HRH1: variants seen among roughly 807,000 people sequenced by gnomAD.
HRH1 encodes histamine H1 receptor.
HRH1 carries 6 observed loss-of-function variants against 10.3 expected under a neutral mutation model. The observed-to-expected ratio is 0.58, with a 90% CI of 0.32 to 1.15. HRH1 has a LOEUF of 1.15. Among genes scored for constraint, HRH1 ranks in the 50% most tolerant of loss-of-function variants. The pLI is 0.05. For synonymous variants in HRH1, 242 were observed against 236.7 expected (o/e 1.02, Z -0.21); for missense variants, 514 against 615.3 (o/e 0.84, Z 1.74).
intron 1 of HRH1, among the ~76,000 whole-genome samples, chr3:11,219,200 A>G (rs759349795): frequency 6.6e-6 from 1 of 152,024 alleles, no homozygotes; most frequent in Non-Finnish European, 1.5e-5. Context: ...AAATTTTCTT[A>G]TAAATTCATA....
chr3:11,180,663 A>G (rs1937334533), intron 1 of HRH1, among the ~76,000 whole-genome samples: 1 of 151,958 alleles, frequency 6.6e-6, no homozygotes, highest in African/African-American at 2.4e-5. Flanking sequence ...GCCTCAATGG[A>G]TTTGCCTGTT....
chr3:11,179,772 T>C (rs1436627644), intron 1 of HRH1, among the ~76,000 whole-genome samples: 2 of 149,592 alleles, frequency 1.3e-5, no homozygotes, highest in Non-Finnish European at 3.0e-5. Context: ...TGTGTGGCTT[T>C]TTTTTTTTTT....
intron 1 of HRH1, among the ~76,000 whole-genome samples, chr3:11,216,355 G>T (rs765420768): frequency 6.6e-6 from 1 of 152,156 alleles, no homozygotes; most frequent in Non-Finnish European, 1.5e-5. Flanking sequence ...CACAGCAGCC[G>T]AAGAGTGGAA....
At chr3:11,213,167 C>T (rs949463286) in intron 1 of HRH1, among the ~76,000 whole-genome samples, 11 of 152,124 alleles carry the variant, frequency 7.2e-5, no homozygotes, top group African/African-American at 9.7e-5. Flanking sequence ...ATGTTTCTTC[C>T]GCTAGAATGG....
intron 1 of HRH1, among the ~76,000 whole-genome samples, chr3:11,138,180 A>ATTTTT (rs746775307): frequency 0.18 from 24,610 of 135,102 alleles, 2,470 homozygotes; most frequent in East Asian, 0.33. Context: ...ACGTTTGGCT[A>ATTTTT]TTTTTTTTTT....
intron 1 of HRH1, among the ~76,000 whole-genome samples, chr3:11,144,478 T>TAGACATACGTCTATAGGTATATATAA (rs1559249824): frequency 6.7e-6 from 1 of 148,220 alleles, no homozygotes; most frequent in Non-Finnish European, 1.5e-5. Context: ...TATAGACATA[T>TAGACATACGTCTATAGGTATATATAA]ATATACACAC....
intron 1 of HRH1, among the ~76,000 whole-genome samples, chr3:11,165,560 T>C (rs910375983): frequency 6.6e-6 from 1 of 152,074 alleles, no homozygotes; most frequent in African/African-American, 2.4e-5. Flanking sequence ...AAGCACAAAC[T>C]TTGAGGAAGT....
At chr3:11,187,193 A>G (rs1937463428) in intron 1 of HRH1, among the ~76,000 whole-genome samples, 1 of 152,078 alleles carries the variant, frequency 6.6e-6, no homozygotes, top group Non-Finnish European at 1.5e-5. Context: ...ACTACTGACA[A>G]AGATATCTTT....
intron 1 of HRH1, among the ~76,000 whole-genome samples, chr3:11,179,658 A>G (rs1937315942): frequency 6.6e-6 from 1 of 151,032 alleles, no homozygotes; most frequent in Non-Finnish European, 1.5e-5. Context: ...AGCCAGAAGG[A>G]TATCGCCCTG....
chr3:11,143,222 C>T lies in HRH1; in HGVS notation c.-36+5823C>T, dbSNP rs528459977. Reference sequence around the variant, plus strand: ...GTTGCTTCTAAGTGGGGTGAGAAGCCTCTGGAGGGTTTTTAGTAAGAGTGA... The same window carrying T: ...GTTGCTTCTAAGTGGGGTGAGAAGCTTCTGGAGGGTTTTTAGTAAGAGTGA... On this transcript the variant is annotated intron_variant, in intron 1 of 1. Coordinates refer to the HRH1 transcript ENST00000438284. 4.3e-4 allele frequency among the ~76,000 whole-genome samples: 66 copies of T among 152,232 alleles called. No homozygotes were observed. In the South Asian group the frequency reaches 0.013, roughly 30 times the overall value.
At chr3:11,246,330 C>A (rs924026840) in intron 1 of HRH1, among the ~76,000 whole-genome samples, 3 of 152,214 alleles carry the variant, frequency 2.0e-5, no homozygotes, top group African/African-American at 7.2e-5. Flanking sequence ...CCAGAGCACA[C>A]CCTCTGTCCA....
intron 1 of HRH1, among the ~76,000 whole-genome samples, chr3:11,144,477 A>AGACATACGTCTATAGG (rs1471746216): frequency 2.0e-5 from 3 of 149,158 alleles, no homozygotes; most frequent in Non-Finnish European, 3.0e-5. Flanking sequence ...ATATAGACAT[A>AGACATACGTCTATAGG]TATATACACA....
At position 11,256,079 on chromosome 3, in the gene HRH1, G is replaced by T. The variant is rs75931362; in HGVS notation, c.-35-2924G>T. 4.4e-3 allele frequency among the ~76,000 whole-genome samples: 669 copies of T among 152,286 alleles called. 4 individuals carry two copies. The highest frequency in any genetic ancestry group is 0.015 in the African/African-American group (632 of 41,554). On this transcript the variant is annotated intron_variant, in intron 1 of 1. Coordinates refer to ENST00000431010, the MANE Select transcript of HRH1 (RefSeq NM_001098212.2). ...GGGTTTGAGTGTTGTCCTCATAGGA[G>T]GTGATGGCTGAGGGGTAGGTAAGTG... is the stretch of plus-strand genomic sequence containing the variant.
chr3:11,179,912 A>C (rs1937320757), intron 1 of HRH1, among the ~76,000 whole-genome samples: 1 of 151,854 alleles, frequency 6.6e-6, no homozygotes, highest in African/African-American at 2.4e-5. Flanking sequence ...TTGGGACCAC[A>C]GGCATGCGCC....
rs374717147 is a variant in HRH1 at position 11,210,761 on chromosome 3, C to G, written c.-35-48242C>G. ...TGAACCAAGATTGTGCCACTGCACT[C>G]CAGCCTATGCAACAGAGCAAGATCC... On this transcript the variant is annotated intron_variant, in intron 1 of 1. Transcript: ENST00000431010. Among the ~76,000 whole-genome samples the G allele has an allele frequency of 2.1e-3, 317 of 151,226 alleles. 2 individuals are homozygous for G. The highest frequency in any genetic ancestry group is 7.2e-3 in the African/African-American group (297 of 41,180).
chr3:11,152,452 T>C (rs1936656417), upstream of HRH1, among the ~76,000 whole-genome samples: 1 of 152,206 alleles, frequency 6.6e-6, no homozygotes, highest in South Asian at 2.1e-4. Flanking sequence ...CTGATTTTTC[T>C]AAAAGTGCTG....
chr3:11,167,590 T>C (rs1574984874), intron 1 of HRH1, among the ~76,000 whole-genome samples: 3 of 152,406 alleles, frequency 2.0e-5, no homozygotes, highest in East Asian at 3.9e-4. Context: ...GTTCATGGTT[T>C]GTGCAGCCTC....
intron 1 of HRH1, among the ~76,000 whole-genome samples, chr3:11,238,651 G>A (rs1939252852): frequency 6.6e-6 from 1 of 152,258 alleles, no homozygotes; most frequent in East Asian, 1.9e-4. Flanking sequence ...CAGAATCCAA[G>A]TTTAGAACAT....
intron 1 of HRH1, among the ~76,000 whole-genome samples, chr3:11,138,664 C>A (rs1459158822): frequency 6.6e-6 from 1 of 151,840 alleles, no homozygotes; most frequent in Non-Finnish European, 1.5e-5. Context: ...TGGAAAACAT[C>A]TGTTCACACA....
Sources: allele counts gnomAD v4.1 joint callset (sites outside exome capture counted in the v4.1 genomes callset), GRCh38; gene constraint gnomAD v4.1.1; transcripts MANE v1.5; gene names NCBI Gene and HGNC (gene_info 2026-07-23, HGNC 2026-07-21).